The following FMO3 variants were observed in gnomAD, a reference collection of about 807,000 sequenced individuals.
FMO3 encodes the protein flavin-containing monooxygenase 3.
Under a neutral mutation model 39.4 loss-of-function variants are expected in FMO3, and 40 were observed. The ratio of observed to expected loss-of-function variants is 1.02; its 90% confidence interval spans 0.79 to 1.32. FMO3 has a LOEUF of 1.32. Ranked by LOEUF, FMO3 falls within the 40% of genes most tolerant of loss-of-function variation. FMO3 has a pLI of 0.00. For synonymous variants in FMO3, 219 were observed against 228.8 expected (o/e 0.96, Z 0.39); for missense variants, 680 against 651.8 (o/e 1.04, Z -0.47).
intron 2 of FMO3, among the ~76,000 whole-genome samples, chr1:171,093,942 C>T (rs1185145242): frequency 7.0e-6 from 1 of 143,520 alleles, no homozygotes; most frequent in Non-Finnish European, 1.5e-5. Context: ...TCAAACGATT[C>T]TCCTACCTCA....
Position 171,114,550 on chromosome 1 carries a change from A to C in FMO3, c.1183+188A>C, listed in dbSNP as rs1048747040. Among the ~76,000 whole-genome samples, 5 of 152,318 alleles carry C rather than the reference A, an allele frequency of 3.3e-5. No homozygotes were observed. In the South Asian group the frequency reaches 1.0e-3, roughly 32 times the overall value. ...ACCAGTTTGGATTATTGTATGAAAT[A>C]CTACAAGATATTATTAGAGGAGGCA... On this transcript the variant is annotated intron_variant, in intron 7 of 8. Transcript: ENST00000367755.
At chr1:171,096,040 T>TTA (rs1557933052) in intron 2 of FMO3, among the ~76,000 whole-genome samples, 1 of 62,894 alleles carries the variant, frequency 1.6e-5, no homozygotes, top group Non-Finnish European at 2.5e-5. Context: ...ATAATATATA[T>TTA]TATATATAAA....
At chr1:171,092,188 TAGAG>T (rs1392312451) in intron 1 of FMO3, among the ~76,000 whole-genome samples, 2 of 152,050 alleles carry the variant, frequency 1.3e-5, no homozygotes, top group Non-Finnish European at 2.9e-5. Context: ...CTTTAGAAAT[TAGAG>T]AGAAATGAAA....
intron 2 of FMO3, among the ~76,000 whole-genome samples, chr1:171,095,769 A>G (rs1557932424): frequency 7.6e-6 from 1 of 131,272 alleles, no homozygotes; most frequent in African/African-American, 2.8e-5. Flanking sequence ...TATATTTAAT[A>G]TATATTTATA....
At chr1:171,093,758 T>G (rs1000037144) in intron 2 of FMO3, among the ~76,000 whole-genome samples, 3 of 151,088 alleles carry the variant, frequency 2.0e-5, no homozygotes, top group Non-Finnish European at 4.4e-5. Flanking sequence ...TTGTGAAATC[T>G]CCATACTGTT....
chr1:171,096,045 TATAAATATATAATATA>T (rs1654992906), intron 2 of FMO3, among the ~76,000 whole-genome samples: 7 of 57,934 alleles, frequency 1.2e-4, no homozygotes, highest in African/African-American at 8.0e-4. Flanking sequence ...ATATATTATA[TATAAATATATAATATA>T]TATTATATAT....
chr1:171,110,868 T>C lies in FMO3; in HGVS notation c.698T>C (p.Met233Thr), dbSNP rs756072214. 5 of 1,614,018 alleles carry C rather than the reference T, an allele frequency of 3.1e-6. No homozygotes were observed. In the East Asian group the frequency reaches 1.1e-4, roughly 36 times the overall value. The change falls in exon 6 of 9, where the codon ATG becomes ACG. Residue 233 changes from methionine to threonine, a missense_variant. Physicochemically the swap from Met to Thr is moderately conservative, Grantham distance 81. Transcript: ENST00000367755. ...RVWDNGYPWDMLLVTRFGTFL... is the reference protein window; with the variant it reads ...RVWDNGYPWDTLLVTRFGTFL... ...TGGGACAATGGTTATCCTTGGGACA[T>C]GCTGCTCGTCACTCGATTTGGAACC...
intron 2 of FMO3, among the ~76,000 whole-genome samples, chr1:171,096,079 TAA>T (rs1557933408): frequency 0.014 from 1,027 of 74,438 alleles, 36 homozygotes; most frequent in Non-Finnish European, 0.018. Flanking sequence ...TATTAATATA[TAA>T]TATATATTAA....
rs1656039921 is a variant in FMO3, at chr1:171,114,181, C to T, written c.1002C>T (p.Ala334=). 6.2e-6 allele frequency: 10 copies of T among 1,614,014 alleles called. No homozygotes were observed. Among genetic ancestry groups the T allele is most frequent in the Non-Finnish European group, 8.5e-6 (10 of 1,179,954 alleles). Residue 334 remains alanine (A), a synonymous_variant, in exon 7 of 9, where the codon GCC becomes GCT. Coordinates refer to ENST00000367755, the MANE Select transcript of FMO3 (RefSeq NM_001002294.3). ...TCTTTGCAACAGGGTATAGTTTTGC[C>T]TACCCCTTCCTTGATGAGTCTATCA... The part of the protein sequence containing the change: ...CVIFATGYSF[A]YPFLDESIIK...
chr1:171,099,148 A>G (rs924304493), intron 2 of FMO3, among the ~76,000 whole-genome samples: 1 of 152,018 alleles, frequency 6.6e-6, no homozygotes, highest in Non-Finnish European at 1.5e-5. Context: ...CCTTCATTTC[A>G]TTATGTACCC....
chr1:171,117,023 G>A, intron 8 of FMO3, 77 bp from the exon 9 acceptor site: 5 of 1,092,698 alleles, frequency 4.6e-6, no homozygotes, highest in Non-Finnish European at 7.1e-6. Flanking sequence ...CTGATATAAA[G>A]TTGCGAGCCA....
intron 6 of FMO3, among the ~76,000 whole-genome samples, chr1:171,111,778 T>C (rs1292230223): frequency 1.3e-5 from 2 of 152,216 alleles, no homozygotes; most frequent in Non-Finnish European, 2.9e-5. Flanking sequence ...GTTTATTATA[T>C]GCCACATCCT....
chr1:171,104,163 A>G (rs546832832), intron 3 of FMO3, among the ~76,000 whole-genome samples, 190 bp downstream of exon 3: 4 of 152,286 alleles, frequency 2.6e-5, no homozygotes, highest in East Asian at 1.9e-4. Flanking sequence ...ACAAAATTTG[A>G]CCACCTACAG....
intron 3 of FMO3, among the ~76,000 whole-genome samples, chr1:171,104,613 C>A (rs934470908): frequency 4.6e-5 from 7 of 152,152 alleles, no homozygotes; most frequent in African/African-American, 1.4e-4. Flanking sequence ...AATGGCCCAT[C>A]TTATAGTCCC....
intron 2 of FMO3, among the ~76,000 whole-genome samples, chr1:171,096,076 A>G (rs1337034812): frequency 1.3e-5 from 1 of 75,768 alleles, no homozygotes; most frequent in Non-Finnish European, 2.2e-5. Flanking sequence ...ATATATTAAT[A>G]TATAATATAT....
intron 8 of FMO3, among the ~76,000 whole-genome samples, 175 bp downstream of exon 8, chr1:171,116,455 A>G (rs1656156989): frequency 6.6e-6 from 1 of 152,232 alleles, no homozygotes; most frequent in Non-Finnish European, 1.5e-5. Context: ...TGCTTCTGAC[A>G]TTGTATTAAG....
intron 2 of FMO3, among the ~76,000 whole-genome samples, chr1:171,096,161 T>C (rs1398865893): frequency 1.4e-5 from 1 of 72,610 alleles, no homozygotes; most frequent in Non-Finnish European, 2.2e-5. Context: ...GAATATATAA[T>C]ATATATAATT....
intron 8 of FMO3, 115 bp downstream of exon 8, chr1:171,116,395 A>G: frequency 4.6e-6 from 3 of 648,488 alleles, no homozygotes; most frequent in Non-Finnish European, 8.3e-6. Context: ...TGGAATGACA[A>G]CTACAAGCTA....
chr1:171,109,623 C>G (rs1655813037), intron 5 of FMO3, among the ~76,000 whole-genome samples: 1 of 144,664 alleles, frequency 6.9e-6, no homozygotes, highest in African/African-American at 2.6e-5. Context: ...CAACCTCCGT[C>G]TCCCAGGTTC....
Sources: allele counts gnomAD v4.1 joint callset (sites outside exome capture counted in the v4.1 genomes callset), GRCh38; gene constraint gnomAD v4.1.1; transcripts MANE v1.5; gene names NCBI Gene and HGNC (gene_info 2026-07-23, HGNC 2026-07-21).